SDCCAG8: variants seen among roughly 807,000 people sequenced by gnomAD.
The protein encoded by SDCCAG8 is SHH signaling and ciliogenesis regulator SDCCAG8, also known as serologically defined colon cancer antigen 8.
A neutral mutation model predicts 101.8 loss-of-function variants in SDCCAG8; 74 were observed. The observed-to-expected ratio is 0.73, with a 90% CI of 0.60 to 0.88. The LOEUF (loss-of-function observed/expected upper bound fraction) is 0.88. Ranked by LOEUF, SDCCAG8 falls within the 40% of genes least tolerant of loss-of-function variation. The pLI, the probability that SDCCAG8 is intolerant of heterozygous loss-of-function variation, is 0.00. For synonymous variants in SDCCAG8, 281 were observed against 292.9 expected (o/e 0.96, Z 0.41); for missense variants, 787 against 822.6 (o/e 0.96, Z 0.53).
intron 9 of SDCCAG8, among the ~76,000 whole-genome samples, chr1:243,329,410 A>T (rs1438959066): frequency 6.6e-6 from 1 of 152,204 alleles, no homozygotes; most frequent in Non-Finnish European, 1.5e-5. Context: ...GTCTGTATTT[A>T]TTATAGCTTT....
rs1239600173 is a variant in SDCCAG8, at chr1:243,458,636, A to G, written c.1986-30378A>G. Among the ~76,000 whole-genome samples, 1 of 152,192 alleles carries G rather than the reference A, an allele frequency of 6.6e-6. No homozygotes were observed. Among genetic ancestry groups the G allele is most frequent in the Non-Finnish European group, 1.5e-5 (1 of 68,036 alleles). On this transcript the variant is annotated intron_variant, in intron 16 of 17. Transcript: ENST00000366541. The surrounding 1 kb of genome is among the most constrained non-coding windows in gnomAD (Gnocchi z 4.5). ...ACAGGCTGAAGGTCACACAGCTACT[A>G]TGTGATAGATGCCAAACGTGAACCT...
intron 15 of SDCCAG8, among the ~76,000 whole-genome samples, chr1:243,423,438 G>T (rs2081142306): frequency 6.6e-6 from 1 of 151,984 alleles, no homozygotes; most frequent in Non-Finnish European, 1.5e-5. Context: ...TTTTTCATTT[G>T]ATATCTAATG....
intron 16 of SDCCAG8, among the ~76,000 whole-genome samples, chr1:243,432,609 C>T (rs1258721065): frequency 6.6e-6 from 1 of 152,088 alleles, no homozygotes; most frequent in Non-Finnish European, 1.5e-5. Flanking sequence ...AAAAAGCAAA[C>T]ATTTCAAAAC....
intron 13 of SDCCAG8, among the ~76,000 whole-genome samples, chr1:243,404,743 C>T (rs562930649): frequency 2.7e-4 from 41 of 152,220 alleles, no homozygotes; most frequent in Non-Finnish European, 5.0e-4. Context: ...AGAATACAGC[C>T]GTAATTTCTG....
intron 17 of SDCCAG8, among the ~76,000 whole-genome samples, chr1:243,497,942 A>G (rs1471397996): frequency 6.6e-6 from 1 of 152,154 alleles, no homozygotes; most frequent in East Asian, 1.9e-4. Flanking sequence ...CCAGCCTCCC[A>G]AAGCACTGGG....
chr1:243,259,758 G>A (rs545683397), intron 1 of SDCCAG8, among the ~76,000 whole-genome samples: 1 of 151,878 alleles, frequency 6.6e-6, no homozygotes, highest in African/African-American at 2.4e-5. Context: ...GGCGCAGGTT[G>A]CGGTGGGCGG....
At chr1:243,371,857 G>A (rs2077311556) in intron 12 of SDCCAG8, among the ~76,000 whole-genome samples, 1 of 152,050 alleles carries the variant, frequency 6.6e-6, no homozygotes, top group Non-Finnish European at 1.5e-5. Flanking sequence ...GGTAGCCATG[G>A]AATCACCATG....
intron 16 of SDCCAG8, among the ~76,000 whole-genome samples, chr1:243,433,543 C>A (rs1474216418): frequency 6.6e-6 from 1 of 150,980 alleles, no homozygotes; most frequent in Non-Finnish European, 1.5e-5. Context: ...AGAAGAAAGT[C>A]TCTCCTGAGG....
At chr1:243,468,363 G>A (rs548620674) in intron 16 of SDCCAG8, among the ~76,000 whole-genome samples, 2 of 152,088 alleles carry the variant, frequency 1.3e-5, no homozygotes, top group African/African-American at 2.4e-5. Context: ...GACTACAGAC[G>A]TCCACCATCA....
At chr1:243,338,280 C>T (rs925826471) in intron 10 of SDCCAG8, among the ~76,000 whole-genome samples, 15 of 152,056 alleles carry the variant, frequency 9.9e-5, no homozygotes, top group African/African-American at 2.7e-4. Context: ...AATGACTGAC[C>T]AGTTAATCAT....
intron 10 of SDCCAG8, among the ~76,000 whole-genome samples, chr1:243,335,301 T>C (rs2074921921): frequency 6.6e-6 from 1 of 152,098 alleles, no homozygotes. Context: ...CTGTAACCAA[T>C]ATGAATAAGA....
At chr1:243,413,341 G>A (rs908982139) in intron 13 of SDCCAG8, among the ~76,000 whole-genome samples, 1 of 152,112 alleles carries the variant, frequency 6.6e-6, no homozygotes, top group Non-Finnish European at 1.5e-5. Context: ...AAGTAGCTGG[G>A]ATTACAGGCA....
chr1:243,483,527 C>T (rs1238055925), intron 16 of SDCCAG8, among the ~76,000 whole-genome samples: 1 of 152,174 alleles, frequency 6.6e-6, no homozygotes, highest in African/African-American at 2.4e-5. Flanking sequence ...TCCTCCAGTG[C>T]CTCCTCCCCA....
intron 3 of SDCCAG8, among the ~76,000 whole-genome samples, chr1:243,272,148 G>A (rs1001557205): frequency 3.9e-5 from 6 of 152,124 alleles, no homozygotes; most frequent in Admixed American, 2.6e-4. Flanking sequence ...AATGAGATAA[G>A]ATTACATACT....
intron 16 of SDCCAG8, among the ~76,000 whole-genome samples, chr1:243,427,136 G>T (rs1398322006): frequency 6.6e-6 from 1 of 152,062 alleles, no homozygotes; most frequent in Non-Finnish European, 1.5e-5. Flanking sequence ...AATATAATAT[G>T]GCAAAGCACA....
At chr1:243,465,659 T>C (rs1352138850) in intron 16 of SDCCAG8, among the ~76,000 whole-genome samples, 1 of 152,242 alleles carries the variant, frequency 6.6e-6, no homozygotes, top group Non-Finnish European at 1.5e-5. Flanking sequence ...CAGATACCCA[T>C]GATAGGATCG....
intron 5 of SDCCAG8, among the ~76,000 whole-genome samples, chr1:243,288,711 G>A (rs11805838): frequency 0.79 from 120,841 of 152,030 alleles, 48,989 homozygotes; most frequent in East Asian, 0.93. Flanking sequence ...TGCCTTTTAA[G>A]AAAGATAATT....
At chr1:243,481,051 G>C (rs1663651078) in intron 16 of SDCCAG8, among the ~76,000 whole-genome samples, 1 of 152,034 alleles carries the variant, frequency 6.6e-6, no homozygotes, top group South Asian at 2.1e-4. Context: ...AGTGTGTCAG[G>C]TGGTGAGTTT....
chr1:243,473,888 C>G (rs1156310253), intron 16 of SDCCAG8, among the ~76,000 whole-genome samples: 1 of 105,146 alleles, frequency 9.5e-6, no homozygotes, highest in Non-Finnish European at 1.8e-5. Flanking sequence ...AGGGGTCTTA[C>G]AAATGAGTTT....
Sources: allele counts gnomAD v4.1 joint callset (sites outside exome capture counted in the v4.1 genomes callset), GRCh38; gene constraint gnomAD v4.1.1; non-coding constraint Gnocchi (gnomAD v3.1); transcripts MANE v1.5; gene names NCBI Gene and HGNC (gene_info 2026-07-23, HGNC 2026-07-21).